The following ZFAT variants were observed in gnomAD, a reference collection of about 807,000 sequenced individuals.
ZFAT encodes the protein zinc finger and AT-hook domain containing.
In ZFAT, 64 loss-of-function variants were observed where a neutral mutation model predicts 117.7. The observed-to-expected ratio is 0.54, with a 90% CI of 0.44 to 0.67. The LOEUF (loss-of-function observed/expected upper bound fraction) is 0.67. Ranked by LOEUF, ZFAT falls within the 30% of genes least tolerant of loss-of-function variation. The pLI is 0.00. For synonymous variants in ZFAT, 679 were observed against 615.0 expected (o/e 1.10, Z -1.54); for missense variants, 1,433 against 1,584.5 (o/e 0.90, Z 1.62).
chr8:134,549,605 T>C (rs1048131042), intron 11 of ZFAT, among the ~76,000 whole-genome samples: 6 of 152,128 alleles, frequency 3.9e-5, no homozygotes, highest in Admixed American at 6.5e-5. Flanking sequence ...TGCACCCCTA[T>C]ACTGGGCAGT....
intron 15 of ZFAT, among the ~76,000 whole-genome samples, chr8:134,487,175 T>C (rs543112825): frequency 2.6e-5 from 4 of 152,268 alleles, no homozygotes; most frequent in African/African-American, 9.6e-5. Flanking sequence ...TTGCTACACT[T>C]GTGTATCTCC....
the ZFAT span, among the ~76,000 whole-genome samples, chr8:134,782,857 T>C: frequency 2.6e-5 from 4 of 152,082 alleles, no homozygotes; most frequent in Non-Finnish European, 5.9e-5. Flanking sequence ...ACACCCTGCA[T>C]CTCTTTTTAA....
intron 15 of ZFAT, among the ~76,000 whole-genome samples, chr8:134,501,876 T>G (rs1472511628): frequency 6.6e-6 from 1 of 152,190 alleles, no homozygotes; most frequent in Admixed American, 6.5e-5. Flanking sequence ...TGGACTTCAC[T>G]CAATCCTTTT....
chr8:134,567,075 ATCT>A (rs2130780716), intron 10 of ZFAT, among the ~76,000 whole-genome samples: 1 of 152,216 alleles, frequency 6.6e-6, no homozygotes, highest in East Asian at 1.9e-4. Context: ...CAAAATCAGC[ATCT>A]TCTACTCTGA....
the ZFAT span, among the ~76,000 whole-genome samples, chr8:134,816,406 C>G: frequency 2.0e-5 from 3 of 150,516 alleles, no homozygotes; most frequent in African/African-American, 7.3e-5. Context: ...AAAAAACAAC[C>G]AGAACATGGC....
At chr8:134,818,768 G>A in the ZFAT span, among the ~76,000 whole-genome samples, 1 of 152,192 alleles carries the variant, frequency 6.6e-6, no homozygotes, top group African/African-American at 2.4e-5. Context: ...TTACCAATAA[G>A]AAAGAGTAAC....
At chr8:134,781,255 A>G in the ZFAT span, among the ~76,000 whole-genome samples, 1 of 152,240 alleles carries the variant, frequency 6.6e-6, no homozygotes, top group African/African-American at 2.4e-5. Flanking sequence ...CCTCCAGAGT[A>G]ACTCGGACTA....
chr8:134,740,491 A>C, the ZFAT span, among the ~76,000 whole-genome samples: 5 of 152,214 alleles, frequency 3.3e-5, no homozygotes, highest in African/African-American at 4.8e-5. Context: ...AAACAAAACA[A>C]GCAAAGCTTT....
the ZFAT span, among the ~76,000 whole-genome samples, chr8:134,816,684 C>G: frequency 6.6e-6 from 1 of 152,078 alleles, no homozygotes; most frequent in South Asian, 2.1e-4. Context: ...AGAAACTGAG[C>G]TTAAAAATGC....
chr8:134,673,067 G>A (rs1832635047), intron 1 of ZFAT: 1 of 152,158 alleles, frequency 6.6e-6, no homozygotes, highest in South Asian at 2.1e-4. Flanking sequence ...GTATGTAGAA[G>A]AAATACAACA....
chr8:134,624,213 CA>C (rs1829336406), intron 3 of ZFAT, among the ~76,000 whole-genome samples: 3 of 151,910 alleles, frequency 2.0e-5, no homozygotes, highest in Admixed American at 1.3e-4. Flanking sequence ...CACACACACA[CA>C]CACACCCTTA....
At chr8:134,495,313 A>T (rs1437718104) in intron 15 of ZFAT, among the ~76,000 whole-genome samples, 1 of 152,176 alleles carries the variant, frequency 6.6e-6, no homozygotes, top group African/African-American at 2.4e-5. Flanking sequence ...CATGGTGGAA[A>T]GAGAGAGATC....
chr8:134,740,239 C>T, the ZFAT span, among the ~76,000 whole-genome samples: 3 of 152,164 alleles, frequency 2.0e-5, no homozygotes, highest in Non-Finnish European at 2.9e-5. Flanking sequence ...AGGTAGAATT[C>T]GCAGGAAGAG....
At chr8:134,807,621 A>G in the ZFAT span, among the ~76,000 whole-genome samples, 1 of 151,590 alleles carries the variant, frequency 6.6e-6, no homozygotes, top group Admixed American at 6.6e-5. Flanking sequence ...GAGTAGTAGC[A>G]GGGTGGTGAC....
chr8:134,627,476 C>A (rs946501318), intron 3 of ZFAT, among the ~76,000 whole-genome samples: 5 of 151,970 alleles, frequency 3.3e-5, no homozygotes, highest in African/African-American at 9.7e-5. Flanking sequence ...TAGCTGAAGC[C>A]GAAATGTGAA....
chr8:134,694,751 T>A (rs965697319), intron 1 of ZFAT, among the ~76,000 whole-genome samples: 1 of 152,230 alleles, frequency 6.6e-6, no homozygotes, highest in Admixed American at 6.5e-5. Flanking sequence ...CCCCTCCCCA[T>A]TGGAATCCTC....
chr8:134,602,091 T>C lies in ZFAT; in HGVS notation c.1628A>G (p.Glu543Gly). ...EEACPGDTQL[E>G]EGRKEPEAPG... The stretch of plus-strand genomic sequence containing the variant: ...GGCCTCCGGCTCCTTCCGGCCCTCC[T>C]CCAGCTGAGTGTCCCCAGGACAGGC... The change falls in exon 6 of 16, where the codon GAG becomes GGG. Residue 543 changes from glutamate to glycine, a missense_variant. Glu to Gly is a moderately conservative substitution (Grantham distance 98). This residue lies in a region of ZFAT where 372 missense variants were observed against 355.6 expected (regional missense o/e 1.05). Transcript: ENST00000377838. 1 of 1,611,894 alleles carries C rather than the reference T, an allele frequency of 6.2e-7. No individual in the cohort carries two copies. The highest frequency in any genetic ancestry group is 1.1e-5 in the South Asian group (1 of 90,826).
chr8:134,699,053 C>T (rs1419209758), intron 1 of ZFAT, among the ~76,000 whole-genome samples: 1 of 152,142 alleles, frequency 6.6e-6, no homozygotes. Flanking sequence ...TTCCAGGGCA[C>T]CTTGTATTTC....
intron 1 of ZFAT, among the ~76,000 whole-genome samples, chr8:134,670,657 A>T (rs200462786): frequency 6.6e-6 from 1 of 152,212 alleles, no homozygotes; most frequent in African/African-American, 2.4e-5. Context: ...GCAGGGAAGA[A>T]CTAAAATTGA....
Sources: gnomAD v4.1 joint callset for allele counts (sites outside exome capture counted in the v4.1 genomes callset) on GRCh38, gnomAD v4.1.1 for gene constraint, gnomAD v4.1.1 regional missense constraint, MANE v1.5 for transcripts, NCBI Gene and HGNC (gene_info 2026-07-23, HGNC 2026-07-21) for gene names.